Variants in TASOR2 observed in about 807,000 individuals in gnomAD.
The protein encoded by TASOR2 is protein TASOR 2.
A neutral mutation model predicts 199.5 loss-of-function variants in TASOR2; 84 were observed. The ratio of observed to expected loss-of-function variants is 0.42; its 90% CI spans 0.35 to 0.50. The LOEUF (loss-of-function observed/expected upper bound fraction) is 0.50, where lower values mean the gene tolerates loss of function less well. Ranked by LOEUF, TASOR2 falls within the 20% of genes least tolerant of loss-of-function variation. The probability of loss-of-function intolerance (pLI) is 0.02; values close to 1 mark genes in which losing one functional copy is unlikely to be tolerated. For missense variants in TASOR2, 2,796 were observed against 2,835.9 expected (o/e 0.99, Z 0.32); for synonymous variants, 1,103 against 1,046.6 (o/e 1.05, Z -1.04).
At position 5,737,695 on chromosome 10, in the gene TASOR2, T is replaced by G. The variant is rs568756546; in HGVS notation, c.1448-1923T>G. Among the ~76,000 whole-genome samples, 112 of 152,334 alleles carry G rather than the reference T, an allele frequency of 7.4e-4. 4 individuals are homozygous for G. In the South Asian group the frequency reaches 0.022, roughly 30 times the overall value. On this transcript the variant is annotated intron_variant, in intron 12 of 20. Coordinates refer to ENST00000328090, the Ensembl canonical transcript of TASOR2. The surrounding 1 kb of genome is among the most constrained non-coding windows in gnomAD (Gnocchi z 4.9). ...CATACTGTTTTCAATTCATCTGACA[T>G]GTCTTGGTCCAATCTTTCCAATTTG...
chr10:5,759,183 A>G (rs763163342), intron 18 of TASOR2, among the ~76,000 whole-genome samples, 191 bp downstream of exon 19: 6 of 152,198 alleles, frequency 3.9e-5, no homozygotes, highest in Non-Finnish European at 7.3e-5. Flanking sequence ...TGAGGCATGT[A>G]CTTATCTAGA....
intron 18 of TASOR2, among the ~76,000 whole-genome samples, chr10:5,759,699 G>A (rs1839491796): frequency 1.3e-5 from 2 of 152,362 alleles, no homozygotes; most frequent in South Asian, 4.1e-4. Flanking sequence ...CAAGTAGTAA[G>A]TTATGAAGCT....
chr10:5,762,676 T>A, intron 20 of TASOR2, 30 bp downstream of exon 21: 1 of 1,027,234 alleles, frequency 9.7e-7, no homozygotes. Context: ...AACTTTCCCA[T>A]GTGAGTTGGA....
intron 15 of TASOR2, 129 bp from the exon 17 acceptor site, chr10:5,756,484 G>T: frequency 1.3e-6 from 1 of 790,910 alleles, no homozygotes; most frequent in Non-Finnish European, 1.9e-6. Context: ...TGCTTATTTA[G>T]TAATAAGACA....
rs150900433 is a variant in TASOR2 at position 5,720,496 on chromosome 10, T to A, written c.-99-48T>A. 6.8e-7 allele frequency: 1 copy of A among 1,471,542 alleles called. No individual in the cohort carries two copies. Among genetic ancestry groups the A allele is most frequent in the Non-Finnish European group, 9.0e-7 (1 of 1,115,506 alleles). 91.2% of individuals were successfully genotyped at this position (1,471,542 alleles called of 1,614,324 possible). Reference sequence around the variant, plus strand: ...GGGGTTGAGAAAAACTTGGTACATATGCAGTTCCATAGTGCTACCCTGATA... The same window carrying A: ...GGGGTTGAGAAAAACTTGGTACATAAGCAGTTCCATAGTGCTACCCTGATA... On this transcript the variant is annotated intron_variant, in intron 3 of 20. Transcript: ENST00000328090. This position sits in a 1 kb window ranked among gnomAD's most constrained non-coding sequence, Gnocchi z 5.3.
At position 5,719,186 on chromosome 10, in the gene TASOR2, T is replaced by C. The variant is rs1187618117; in HGVS notation, c.-99-1358T>C. On this transcript the variant is annotated intron_variant, in intron 3 of 20. Coordinates refer to ENST00000328090, the Ensembl canonical transcript of TASOR2. This position sits in a 1 kb window ranked among gnomAD's most constrained non-coding sequence, Gnocchi z 4.1. ...TTAAAAAGTAACTATATTCTTCTTA[T>C]AAAAATTAAAATTGCCTATAGTCCC... Among the ~76,000 whole-genome samples the C allele has an allele frequency of 5.4e-5, 8 of 148,182 alleles. No homozygotes were observed. The highest frequency in any genetic ancestry group is 1.5e-4 in the African/African-American group (6 of 39,056).
At chr10:5,747,297 A>G (rs751604723) in exon 15 of TASOR2, 1 of 1,614,184 alleles carries the variant, frequency 6.2e-7, no homozygotes, top group East Asian at 2.2e-5. Flanking sequence ...CACCACCTAC[A>G]AGTCCCAGAG....
At position 5,703,925 on chromosome 10, in the gene TASOR2, G is replaced by A. The variant is rs532309165; in HGVS notation, c.-287-8898G>A. On this transcript the variant is annotated intron_variant, in intron 1 of 20. Coordinates refer to ENST00000328090, the Ensembl canonical transcript of TASOR2. ...AGGTTGTGCTAGACTTATAATTTGA[G>A]AAAGTTTTCATTCTTGGCCAGGCGT... 2.0e-5 allele frequency among the ~76,000 whole-genome samples: 3 copies of A among 151,648 alleles called. No homozygotes were observed. In the South Asian group the frequency reaches 6.3e-4, roughly 32 times the overall value.
intron 12 of TASOR2, among the ~76,000 whole-genome samples, chr10:5,736,692 G>C (rs575282135): frequency 1.3e-5 from 2 of 152,302 alleles, no homozygotes; most frequent in South Asian, 2.1e-4. Context: ...TATAACCTCT[G>C]TACTAGAAAG....
chr10:5,750,527 G>A lies in TASOR2; in HGVS notation c.6606+500G>A, dbSNP rs1053160154. Among the ~76,000 whole-genome samples, 1 of 152,200 alleles carries A rather than the reference G, an allele frequency of 6.6e-6. No homozygotes were observed. Among genetic ancestry groups the A allele is most frequent in the Non-Finnish European group, 1.5e-5 (1 of 68,046 alleles). On this transcript the variant is annotated intron_variant, in intron 15 of 20. Transcript: ENST00000328090. This position sits in a 1 kb window ranked among gnomAD's most constrained non-coding sequence, Gnocchi z 5.4. ...TTCTGGCATGGGCGGAGCCTGTCTT[G>A]ATTGAACCTGTCTTGATTCACCATT...
chr10:5,707,542 T>C (rs1170364919), intron 1 of TASOR2, among the ~76,000 whole-genome samples: 12 of 152,102 alleles, frequency 7.9e-5, no homozygotes, highest in Non-Finnish European at 1.8e-4. Flanking sequence ...TAGACTTCCA[T>C]TTATATCTCA....
intron 19 of TASOR2, 194 bp downstream of exon 20, chr10:5,761,665 C>T (rs889072051): frequency 3.1e-5 from 18 of 581,384 alleles, no homozygotes; most frequent in Non-Finnish European, 3.7e-5. Flanking sequence ...CACAATCCTC[C>T]TATGTATGTA....
At chr10:5,716,433 A>G (rs1219319481) in intron 2 of TASOR2, among the ~76,000 whole-genome samples, 1 of 152,218 alleles carries the variant, frequency 6.6e-6, no homozygotes, top group African/African-American at 2.4e-5. Flanking sequence ...AAAAATTTAA[A>G]GTTTACATTC....
At chr10:5,760,457 A>G (rs1839641717) in intron 18 of TASOR2, among the ~76,000 whole-genome samples, 1 of 152,204 alleles carries the variant, frequency 6.6e-6, no homozygotes, top group Non-Finnish European at 1.5e-5. Flanking sequence ...ATTTACCCAA[A>G]ATTCTAGGTG....
rs372223289 is a variant in TASOR2, at chr10:5,747,647, T to G, written c.4226T>G (p.Val1409Gly). 1.3e-4 allele frequency: 211 copies of G among 1,614,070 alleles called. No homozygotes were observed. Among genetic ancestry groups the G allele is most frequent in the Non-Finnish European group, 1.7e-4 (203 of 1,180,032 alleles). ...CCAGCGTCTAGTCCTGAACCTCCAG[T>G]ACCAGTTAAAGAGACACGACCATAT... The change falls in exon 15 of 21, where the codon GTA becomes GGA. Residue 1409 changes from valine (V) to glycine (G), a missense_variant. By Grantham distance (109) the Val-to-Gly change is moderately radical. Around this residue, in one of 3 missense-constraint regions of TASOR2, gnomAD observed 1,941 missense variants for 1,924.9 expected, o/e 1.01. Coordinates refer to ENST00000328090, the Ensembl canonical transcript of TASOR2.
intron 1 of TASOR2, among the ~76,000 whole-genome samples, chr10:5,702,151 G>A (rs1837944887): frequency 6.6e-6 from 1 of 152,110 alleles, no homozygotes; most frequent in African/African-American, 2.4e-5. Context: ...AGTTTGATGA[G>A]GGTTTTTTAA....
Position 5,746,117 on chromosome 10 carries a change from T to G in TASOR2, c.2758-62T>G, listed in dbSNP as rs1837155274. On this transcript the variant is annotated intron_variant, in intron 14 of 20. Coordinates refer to ENST00000328090, the Ensembl canonical transcript of TASOR2. ...CTTTTCTGTTCTTCACATGTACATATAATCGTATAAAAAACATTTTATATG... is the reference window on the plus strand; with the variant it reads ...CTTTTCTGTTCTTCACATGTACATAGAATCGTATAAAAAACATTTTATATG... The G allele has an allele frequency of 1.1e-5, 16 of 1,473,342 alleles. No homozygotes were observed. In the South Asian group the frequency reaches 2.2e-4, roughly 20 times the overall value. The allele number at this position is 1,473,342 out of a possible 1,614,324, so 91.3% of individuals were successfully genotyped here.
chr10:5,749,988 T>C lies in TASOR2; in HGVS notation c.6567T>C (p.Leu2189=), dbSNP rs778756722. ...GTAAAAGTACCTTCCTGTTCTACCTTGTCGAAACAGAAGACAAATCATTCT... is the reference window on the plus strand; with the variant it reads ...GTAAAAGTACCTTCCTGTTCTACCTCGTCGAAACAGAAGACAAATCATTCT... Residue 2189 remains leucine (L), a synonymous_variant, in exon 15 of 21, where the codon CTT becomes CTC. Transcript: ENST00000328090. 1.9e-6 allele frequency: 3 copies of C among 1,610,516 alleles called. No individual in the cohort carries two copies. The African/African-American group carries it at 4.0e-5, about 21-fold the overall frequency.
chr10:5,763,108 T>G, exon 21 of TASOR2: 1 of 1,383,002 alleles, frequency 7.2e-7, no homozygotes, highest in Non-Finnish European at 1.0e-6. Flanking sequence ...CTTGTGAACA[T>G]GTGAATACAC....
Sources: gnomAD v4.1 joint callset for allele counts (sites outside exome capture counted in the v4.1 genomes callset) on GRCh38, gnomAD v4.1.1 for gene constraint, gnomAD v4.1.1 regional missense constraint, Gnocchi (gnomAD v3.1) non-coding constraint, MANE v1.5 for transcripts, NCBI Gene and HGNC (gene_info 2026-07-23, HGNC 2026-07-21) for gene names.